The following SLC12A2 variants were observed in gnomAD, a reference collection of about 807,000 sequenced individuals.
SLC12A2 encodes the protein Na-K-2Cl cotransporter 1.
In SLC12A2, 67 loss-of-function variants were observed where a neutral mutation model predicts 136.3. The observed-to-expected ratio is 0.49, with a 90% CI of 0.40 to 0.60. The LOEUF is 0.60. SLC12A2 is among the 20% of genes least tolerant of loss of function. The pLI, the probability that SLC12A2 is intolerant of heterozygous loss-of-function variation, is 0.00. For synonymous variants in SLC12A2, 619 were observed against 562.9 expected (o/e 1.10, Z -1.41); for missense variants, 1,322 against 1,534.7 (o/e 0.86, Z 2.32).
At chr5:128,144,415 A>AT (rs1762465906) in intron 10 of SLC12A2, among the ~76,000 whole-genome samples, 1 of 152,188 alleles carries the variant, frequency 6.6e-6, no homozygotes, top group Non-Finnish European at 1.5e-5. Context: ...AGTCTCCATC[A>AT]TAAGATCTAT....
At chr5:128,142,887 A>G (rs975357556) in intron 10 of SLC12A2, among the ~76,000 whole-genome samples, 2 of 151,976 alleles carry the variant, frequency 1.3e-5, no homozygotes, top group African/African-American at 4.8e-5. Flanking sequence ...TTTTCACTTC[A>G]GTAGTTTTTG....
intron 10 of SLC12A2, among the ~76,000 whole-genome samples, chr5:128,146,413 T>C (rs1397225498): frequency 6.6e-6 from 1 of 151,742 alleles, no homozygotes; most frequent in Admixed American, 6.6e-5. Flanking sequence ...GGGGAGTTTC[T>C]AGCCCACATT....
rs1466770526 is a variant in SLC12A2 at position 128,114,633 on chromosome 5, A to G, written c.1000A>G (p.Thr334Ala). 6.2e-7 allele frequency: 1 copy of G among 1,612,956 alleles called. No homozygotes were observed. The highest frequency in any genetic ancestry group is 1.7e-5 in the Admixed American group (1 of 60,020). ...IMMATVVTTITGLSTSAIATN... is the reference protein window; with the variant it reads ...IMMATVVTTIAGLSTSAIATN... The stretch of plus-strand genomic sequence containing the variant: ...GATGGCCACTGTTGTGACAACTATC[A>G]CAGGATTGTCTACTTCAGCAATAGC... The change falls in exon 4 of 27, where the codon ACA becomes GCA. Residue 334 changes from threonine (T) to alanine (A), a missense_variant. This residue lies in a region of SLC12A2 where 71 missense variants were observed against 131.0 expected (regional missense o/e 0.54). Transcript: ENST00000262461.
intron 4 of SLC12A2, among the ~76,000 whole-genome samples, chr5:128,115,425 C>T (rs1476658244): frequency 6.6e-6 from 1 of 152,014 alleles, no homozygotes; most frequent in South Asian, 2.1e-4. Flanking sequence ...GCACCTGGCC[C>T]TGGGACTTTA....
At chr5:128,085,283 G>C (rs974107834) in intron 1 of SLC12A2, among the ~76,000 whole-genome samples, 4 of 151,862 alleles carry the variant, frequency 2.6e-5, no homozygotes, top group African/African-American at 9.7e-5. Flanking sequence ...GGGACACGCT[G>C]TTCCTAATAA....
intron 17 of SLC12A2, among the ~76,000 whole-genome samples, chr5:128,162,850 G>A (rs140850834): frequency 2.8e-4 from 42 of 152,258 alleles, no homozygotes; most frequent in African/African-American, 9.6e-4. Flanking sequence ...GAGCAAGCTG[G>A]TCCAACCCGT....
Position 128,164,987 on chromosome 5 carries a change from C to T in SLC12A2, c.2617-2774C>T, listed in dbSNP as rs542507083. Among the ~76,000 whole-genome samples, 38 of 151,654 alleles carry T rather than the reference C, an allele frequency of 2.5e-4. No individual in the cohort carries two copies. The South Asian group carries it at 3.1e-3, about 12-fold the overall frequency. ...CCTCCTGAGTAGCTGGGACCATAGGCGTGCGCTACCATGGCTGGCTAGTTT... is the reference window on the plus strand; with the variant it reads ...CCTCCTGAGTAGCTGGGACCATAGGTGTGCGCTACCATGGCTGGCTAGTTT... On this transcript the variant is annotated intron_variant, in intron 17 of 26. Coordinates refer to ENST00000262461, the MANE Select transcript of SLC12A2 (RefSeq NM_001046.3).
chr5:128,085,688 TACC>T (rs1760077328), intron 1 of SLC12A2, among the ~76,000 whole-genome samples: 1 of 152,234 alleles, frequency 6.6e-6, no homozygotes, highest in African/African-American at 2.4e-5. Flanking sequence ...AAGAGGATGG[TACC>T]ACATAGGTTG....
intron 17 of SLC12A2, among the ~76,000 whole-genome samples, chr5:128,163,296 TGACAGGTGGATCACCTGA>T (rs1301674506): frequency 6.6e-6 from 1 of 152,068 alleles, no homozygotes; most frequent in Admixed American, 6.6e-5. Context: ...TGGGAGACTG[TGACAGGTGGATCACCTGA>T]GGTCAGGAGT....
intron 4 of SLC12A2, among the ~76,000 whole-genome samples, chr5:128,126,026 A>G (rs753650751): frequency 2.6e-5 from 4 of 152,322 alleles, no homozygotes; most frequent in Middle Eastern, 3.4e-3. Context: ...TGTGTATCCT[A>G]TGCTGGTACT....
chr5:128,131,502 G>A (rs1325565097), intron 5 of SLC12A2, among the ~76,000 whole-genome samples: 2 of 150,878 alleles, frequency 1.3e-5, no homozygotes, highest in Non-Finnish European at 2.9e-5. Context: ...GACCATCCTG[G>A]CCAACATGGT....
intron 23 of SLC12A2, among the ~76,000 whole-genome samples, 180 bp from the exon 24 acceptor site, chr5:128,182,675 T>A (rs1025532686): frequency 6.6e-6 from 1 of 152,120 alleles, no homozygotes; most frequent in Non-Finnish European, 1.5e-5. Context: ...ACTCAGAAAG[T>A]AAAGTACTCA....
chr5:128,162,454 C>G (rs1474696261), intron 17 of SLC12A2, among the ~76,000 whole-genome samples: 2 of 151,540 alleles, frequency 1.3e-5, no homozygotes, highest in Admixed American at 6.6e-5. Flanking sequence ...GATTAAATAC[C>G]TAAATTTAAA....
intron 1 of SLC12A2, among the ~76,000 whole-genome samples, chr5:128,108,634 C>T (rs983974822): frequency 6.6e-6 from 1 of 151,642 alleles, no homozygotes; most frequent in Non-Finnish European, 1.5e-5. Flanking sequence ...TTGGCAGGGG[C>T]TGAAGGAAGG....
chr5:128,134,083 T>C, intron 5 of SLC12A2, 82 bp from the exon 6 acceptor site: 4 of 714,618 alleles, frequency 5.6e-6, no homozygotes, highest in Admixed American at 4.3e-5. Context: ...CACCGTAATA[T>C]CTCTAAAATG....
intron 10 of SLC12A2, among the ~76,000 whole-genome samples, chr5:128,142,766 T>G (rs1405068041): frequency 1.3e-5 from 2 of 152,146 alleles, no homozygotes; most frequent in African/African-American, 4.8e-5. Flanking sequence ...CATTTTAGCC[T>G]TTCTAAAAAA....
At chr5:128,178,761 A>C in intron 22 of SLC12A2, 72 bp downstream of exon 22, 1 of 1,185,532 alleles carries the variant, frequency 8.4e-7, no homozygotes, top group Non-Finnish European at 1.1e-6. Context: ...AATGACATGC[A>C]CTCTTTACCT....
chr5:128,110,443 G>A (rs1761101413), intron 1 of SLC12A2: 1 of 1,188,190 alleles, frequency 8.4e-7, no homozygotes, highest in African/African-American at 1.5e-5. Flanking sequence ...GACTTGAGCT[G>A]GTTAAACTCA....
Position 128,131,219 on chromosome 5 carries a change from C to T in SLC12A2, c.1188+13C>T. On this transcript the variant is annotated intron_variant, in intron 5 of 26. Transcript: ENST00000262461. ...GGAGTTGCTTAAGGTAATTCACCTT[C>T]CTTCTAGTCATTCGTTTACCAAATC... The T allele has an allele frequency of 6.2e-7, 1 of 1,612,960 alleles. No individual in the cohort carries two copies. Among genetic ancestry groups the T allele is most frequent in the Non-Finnish European group, 8.5e-7 (1 of 1,179,042 alleles).
Sources: gnomAD v4.1 joint callset for allele counts (sites outside exome capture counted in the v4.1 genomes callset) on GRCh38, gnomAD v4.1.1 for gene constraint, gnomAD v4.1.1 regional missense constraint, MANE v1.5 for transcripts, NCBI Gene and HGNC (gene_info 2026-07-23, HGNC 2026-07-21) for gene names.